PCDH15: variants seen among roughly 807,000 people sequenced by gnomAD.
PCDH15 encodes the protein protocadherin related 15, also known as protocadherin-15.
Under a neutral mutation model 178.5 loss-of-function variants are expected in PCDH15, and 129 were observed. The ratio of observed to expected loss-of-function variants is 0.72; its 90% CI spans 0.63 to 0.84. The LOEUF is 0.84. PCDH15 is among the 40% of genes least tolerant of loss of function. The pLI is 0.00. For synonymous variants in PCDH15, 800 were observed against 732.0 expected, an observed-to-expected ratio of 1.09 and a Z score of -1.50; for missense variants, 2,230 against 2,099.9, an observed-to-expected ratio of 1.06 and a Z score of -1.21.
intron 2 of PCDH15, among the ~76,000 whole-genome samples, chr10:54,918,623 G>A (rs149681082): frequency 9.2e-5 from 14 of 152,168 alleles, no homozygotes; most frequent in African/African-American, 2.9e-4. Context: ...ACTAACACCA[G>A]CATGAGCCAT....
chr10:55,036,373 A>G (rs1346528680), intron 2 of PCDH15, among the ~76,000 whole-genome samples: 2 of 152,220 alleles, frequency 1.3e-5, no homozygotes, highest in African/African-American at 4.8e-5. Context: ...ATCGCACTAA[A>G]GCCATACTGG....
At chr10:53,955,523 A>G (rs2087528759) in intron 23 of PCDH15, among the ~76,000 whole-genome samples, 1 of 152,174 alleles carries the variant, frequency 6.6e-6, no homozygotes, top group South Asian at 2.1e-4. Context: ...GTTAAATGCT[A>G]ATTTTTCCTA....
At chr10:54,992,542 G>A (rs1392098396) in intron 2 of PCDH15, among the ~76,000 whole-genome samples, 2 of 152,042 alleles carry the variant, frequency 1.3e-5, no homozygotes, top group Non-Finnish European at 2.9e-5. Flanking sequence ...CACAAGGTCA[G>A]GAGATTGAGA....
At chr10:55,332,610 C>T (rs1166035543) in intron 2 of PCDH15, among the ~76,000 whole-genome samples, 2 of 152,264 alleles carry the variant, frequency 1.3e-5, no homozygotes, top group African/African-American at 2.4e-5. Flanking sequence ...ACCCAAATCT[C>T]ATCTTGAACT....
chr10:54,976,045 T>A lies in PCDH15; in HGVS notation c.-79-78545A>T, dbSNP rs1465713680. 5.3e-5 allele frequency among the ~76,000 whole-genome samples: 8 copies of A among 152,152 alleles called. 1 individual carries two copies. The highest frequency in any genetic ancestry group is 1.7e-4 in the African/African-American group (7 of 41,440). On this transcript the variant is annotated intron_variant, in intron 2 of 5. Coordinates refer to the PCDH15 transcript ENST00000458638. The stretch of plus-strand genomic sequence containing the variant: ...TGTATCATGGAATTTTAAAAGTGTA[T>A]GAAAACAACTGGTTACCTGGAATTG...
At chr10:55,430,046 G>C (rs911453207) in intron 2 of PCDH15, among the ~76,000 whole-genome samples, 1 of 152,014 alleles carries the variant, frequency 6.6e-6, no homozygotes. Context: ...TTTGTTATAG[G>C]TATGTAATAT....
At chr10:55,480,715 CT>C (rs1359900943) in intron 2 of PCDH15, among the ~76,000 whole-genome samples, 1 of 151,784 alleles carries the variant, frequency 6.6e-6, no homozygotes, top group Non-Finnish European at 1.5e-5. Context: ...TTTTGATGTG[CT>C]GCTGGAGTCA....
chr10:54,075,827 T>C (rs2094332925), intron 17 of PCDH15, among the ~76,000 whole-genome samples: 1 of 152,172 alleles, frequency 6.6e-6, no homozygotes, highest in Admixed American at 6.5e-5. Context: ...TTTATGCTAG[T>C]ACTACTCTGT....
intron 2 of PCDH15, among the ~76,000 whole-genome samples, chr10:55,160,743 C>T (rs1427859481): frequency 1.3e-5 from 2 of 152,032 alleles, no homozygotes; most frequent in African/African-American, 4.8e-5. Flanking sequence ...CTACCATCGC[C>T]ACCTCCTTTT....
chr10:54,999,280 G>A (rs1839733713), intron 2 of PCDH15, among the ~76,000 whole-genome samples: 1 of 142,342 alleles, frequency 7.0e-6, no homozygotes, highest in South Asian at 2.4e-4. Flanking sequence ...CAAGAGCTTT[G>A]AGGATTCTGG....
chr10:54,386,803 C>T (rs1949986199), intron 3 of PCDH15, among the ~76,000 whole-genome samples: 1 of 151,998 alleles, frequency 6.6e-6, no homozygotes, highest in South Asian at 2.1e-4. Flanking sequence ...AGACAAAAAA[C>T]CTAAAAAATA....
chr10:55,132,431 A>T (rs1430486326), intron 2 of PCDH15, among the ~76,000 whole-genome samples: 1 of 152,216 alleles, frequency 6.6e-6, no homozygotes. Context: ...GTAAGAGAGT[A>T]GTAGCATTTG....
At chr10:54,559,484 T>C in intron 2 of PCDH15, among the ~76,000 whole-genome samples, 1 of 152,044 alleles carries the variant, frequency 6.6e-6, no homozygotes, top group East Asian at 1.9e-4. Context: ...GGTCTGAAAA[T>C]GTAAGTGCAA....
chr10:54,802,411 A>G (rs73268235), upstream of PCDH15, among the ~76,000 whole-genome samples: 6,702 of 152,228 alleles, frequency 0.044, 444 homozygotes, highest in African/African-American at 0.15. Flanking sequence ...GTAGAAGTAA[A>G]TCAGATAATT....
At chr10:54,690,559 C>T (rs2135787117) in intron 1 of PCDH15, among the ~76,000 whole-genome samples, 1 of 152,100 alleles carries the variant, frequency 6.6e-6, no homozygotes, top group East Asian at 1.9e-4. Flanking sequence ...GTGATCCACC[C>T]ACCTCAACTT....
intron 2 of PCDH15, among the ~76,000 whole-genome samples, chr10:54,554,257 T>TA (rs1322578349): frequency 1.7e-4 from 26 of 152,150 alleles, no homozygotes; most frequent in South Asian, 4.1e-4. Flanking sequence ...AATTGCCTCT[T>TA]AAAGTTAAGT....
chr10:54,334,365 C>T (rs925319094), intron 6 of PCDH15, among the ~76,000 whole-genome samples: 1 of 152,116 alleles, frequency 6.6e-6, no homozygotes, highest in East Asian at 1.9e-4. Context: ...AATGTTGAGG[C>T]TCTAGCAACT....
intron 2 of PCDH15, among the ~76,000 whole-genome samples, chr10:55,464,600 T>C (rs897713912): frequency 6.7e-6 from 1 of 148,296 alleles, no homozygotes; most frequent in Non-Finnish European, 1.5e-5. Context: ...ACTGTAAAAA[T>C]GGCCTAAAAC....
chr10:54,265,232 C>A (rs1439733368), intron 8 of PCDH15, among the ~76,000 whole-genome samples: 2 of 152,072 alleles, frequency 1.3e-5, no homozygotes, highest in South Asian at 2.1e-4. Context: ...TTATCACCAC[C>A]AGACTAGCCC....
Sources: allele counts gnomAD v4.1 joint callset (sites outside exome capture counted in the v4.1 genomes callset), GRCh38; gene constraint gnomAD v4.1.1; transcripts MANE v1.5; gene names NCBI Gene and HGNC (gene_info 2026-07-23, HGNC 2026-07-21).